NUCB1: variants seen among roughly 807,000 people sequenced by gnomAD.
NUCB1 encodes the protein nucleobindin-1.
NUCB1 carries 47 observed loss-of-function variants against 61.2 expected under a neutral mutation model. The ratio of observed to expected loss-of-function variants is 0.77; its 90% CI spans 0.61 to 0.98. NUCB1 has a LOEUF of 0.98. NUCB1 is among the 50% of genes least tolerant of loss of function. NUCB1 has a pLI of 0.00. For synonymous variants in NUCB1, 234 were observed against 243.1 expected, an observed-to-expected ratio of 0.96 and a Z score of 0.35; for missense variants, 583 against 605.3, an observed-to-expected ratio of 0.96 and a Z score of 0.39.
chr19:48,919,303 T>C lies in NUCB1; in HGVS notation c.1002+17T>C. ...GGCTGGGAGGTGAGAACATGGGGGATACTCGGGGTCCTGAACCTCTCTCTC... is the reference window on the plus strand; with the variant it reads ...GGCTGGGAGGTGAGAACATGGGGGACACTCGGGGTCCTGAACCTCTCTCTC... On this transcript the variant is annotated intron_variant, in intron 10 of 12. Coordinates refer to ENST00000405315, the MANE Select transcript of NUCB1 (RefSeq NM_006184.6). 1 of 1,588,734 alleles carries C rather than the reference T, an allele frequency of 6.3e-7. No homozygotes were observed. Among genetic ancestry groups the C allele is most frequent in the East Asian group, 2.2e-5 (1 of 44,722 alleles).
At chr19:48,906,595 A>G (rs529506099) in intron 4 of NUCB1, among the ~76,000 whole-genome samples, 1 of 152,006 alleles carries the variant, frequency 6.6e-6, no homozygotes, top group Admixed American at 6.6e-5. Context: ...ATGGTAATGC[A>G]TGCCTGTGGT....
Position 48,913,509 on chromosome 19 carries a change from G to C in NUCB1, c.702G>C (p.Glu234Asp). 6.2e-7 allele frequency: 1 copy of C among 1,614,198 alleles called. No homozygotes were observed. The highest frequency in any genetic ancestry group is 1.1e-5 in the South Asian group (1 of 91,084). The change falls in exon 7 of 13, where the codon GAG becomes GAC. Residue 234 changes from glutamate (E) to aspartate (D), a missense_variant. Coordinates refer to ENST00000405315, the MANE Select transcript of NUCB1 (RefSeq NM_006184.6). ...SQAQLKEVWE[E>D]LDGLDPNRFN... ...CCCAGTTGAAGGAGGTGTGGGAGGA[G>C]CTGGATGGACTGGACCCCAACAGGT...
At chr19:48,901,122 G>T (rs2037350143) in intron 2 of NUCB1, 191 bp downstream of exon 2, 1 of 661,166 alleles carries the variant, frequency 1.5e-6, no homozygotes, top group African/African-American at 1.8e-5. Context: ...TGACTCTGAG[G>T]TGTGGAAAAT....
chr19:48,907,837 TC>T (rs2037428744), intron 4 of NUCB1, among the ~76,000 whole-genome samples: 1 of 152,096 alleles, frequency 6.6e-6, no homozygotes, highest in South Asian at 2.1e-4. Flanking sequence ...ACCCTGCCCT[TC>T]CCGTATGCAC....
At chr19:48,919,487 A>AT (rs1232204341) in intron 10 of NUCB1, among the ~76,000 whole-genome samples, 1 of 149,744 alleles carries the variant, frequency 6.7e-6, no homozygotes, top group African/African-American at 2.5e-5. Flanking sequence ...TTATTTATTT[A>AT]TTTATTCTGA....
At chr19:48,908,357 T>C (rs1246545270) in intron 4 of NUCB1, among the ~76,000 whole-genome samples, 1 of 152,156 alleles carries the variant, frequency 6.6e-6, no homozygotes, top group Non-Finnish European at 1.5e-5. Flanking sequence ...CTCAAACTCC[T>C]GACCTCAGGT....
intron 10 of NUCB1, among the ~76,000 whole-genome samples, chr19:48,920,930 CT>C (rs1449296255): frequency 1.3e-5 from 2 of 152,202 alleles, no homozygotes; most frequent in African/African-American, 2.4e-5. Flanking sequence ...ATCCTTCCCA[CT>C]TTCGCCTCCC....
chr19:48,911,893 A>T (rs2037478133), intron 5 of NUCB1, among the ~76,000 whole-genome samples: 1 of 152,158 alleles, frequency 6.6e-6, no homozygotes, highest in African/African-American at 2.4e-5. Context: ...AAACTGAGGC[A>T]CAAAGAGGCT....
At chr19:48,905,076 C>T (rs1262207488) in intron 3 of NUCB1, among the ~76,000 whole-genome samples, 1 of 152,198 alleles carries the variant, frequency 6.6e-6, no homozygotes. Context: ...ATAGAACCTG[C>T]TGCACAGTTC....
chr19:48,912,104 A>G (rs1364310434), intron 5 of NUCB1, among the ~76,000 whole-genome samples: 1 of 149,576 alleles, frequency 6.7e-6, no homozygotes, highest in Non-Finnish European at 1.5e-5. Context: ...AGCTCACTGC[A>G]GCCTCAACCT....
At chr19:48,903,645 G>A (rs1269222979) in intron 2 of NUCB1, among the ~76,000 whole-genome samples, 1 of 144,888 alleles carries the variant, frequency 6.9e-6, no homozygotes, top group African/African-American at 2.6e-5. Context: ...TGGATGGATG[G>A]GCGGGTGGAT....
At chr19:48,910,149 T>C (rs548388427) in intron 4 of NUCB1, among the ~76,000 whole-genome samples, 2 of 152,132 alleles carry the variant, frequency 1.3e-5, no homozygotes, top group South Asian at 4.2e-4. Flanking sequence ...TGATCTCGGC[T>C]CACTGCAACC....
At chr19:48,914,505 G>A (rs1275953247) in intron 7 of NUCB1, among the ~76,000 whole-genome samples, 3 of 152,098 alleles carry the variant, frequency 2.0e-5, no homozygotes, top group Admixed American at 2.0e-4. Flanking sequence ...GGATACAACT[G>A]TAAACAAAAC....
intron 8 of NUCB1, 57 bp from the exon 9 acceptor site, chr19:48,918,973 G>T: frequency 6.5e-7 from 1 of 1,548,180 alleles, no homozygotes; most frequent in South Asian, 1.1e-5. Context: ...TGAAGTTGTC[G>T]GGAATGAGCT....
intron 4 of NUCB1, among the ~76,000 whole-genome samples, chr19:48,910,106 G>A (rs1011455012): frequency 6.6e-6 from 1 of 151,628 alleles, no homozygotes; most frequent in Non-Finnish European, 1.5e-5. Context: ...TTCAGACGGA[G>A]TCTCACTCTG....
intron 4 of NUCB1, among the ~76,000 whole-genome samples, chr19:48,906,459 G>A (rs1290053540): frequency 2.6e-5 from 4 of 151,848 alleles, no homozygotes; most frequent in Admixed American, 6.6e-5. Context: ...GGGTGCAGTG[G>A]CTCACGCCTG....
intron 4 of NUCB1, among the ~76,000 whole-genome samples, chr19:48,909,249 ATTTTTT>A (rs111606719): frequency 7.3e-6 from 1 of 136,834 alleles, no homozygotes; most frequent in Non-Finnish European, 1.5e-5. Flanking sequence ...TATTATTATT[ATTTTTT>A]TTTTTTTCCA....
chr19:48,913,449 G>A, intron 6 of NUCB1, 25 bp from the exon 7 acceptor site: 2 of 1,604,006 alleles, frequency 1.2e-6, no homozygotes, highest in South Asian at 2.2e-5. Flanking sequence ...TCTTGCTCAT[G>A]AGCTCCTGGC....
chr19:48,910,103 G>A (rs957151345), intron 4 of NUCB1, among the ~76,000 whole-genome samples: 6 of 151,380 alleles, frequency 4.0e-5, no homozygotes, highest in Non-Finnish European at 4.4e-5. Flanking sequence ...TTTTTCAGAC[G>A]GAGTCTCACT....
Sources: allele counts gnomAD v4.1 joint callset (sites outside exome capture counted in the v4.1 genomes callset), GRCh38; gene constraint gnomAD v4.1.1; transcripts MANE v1.5; gene names NCBI Gene and HGNC (gene_info 2026-07-23, HGNC 2026-07-21).